Variants in ARHGAP15 observed in about 807,000 individuals in gnomAD.
ARHGAP15 encodes Rho GTPase activating protein 15, also known as rho GTPase-activating protein 15.
In ARHGAP15, 51 loss-of-function variants were observed where a neutral mutation model predicts 63.7. The ratio of observed to expected loss-of-function variants is 0.80; its 90% CI spans 0.64 to 1.01. ARHGAP15 has a LOEUF of 1.01. ARHGAP15 is among the 50% of genes least tolerant of loss of function. ARHGAP15 has a pLI of 0.00. For synonymous variants in ARHGAP15, 191 were observed against 193.8 expected (o/e 0.99, Z 0.12); for missense variants, 560 against 564.6 (o/e 0.99, Z 0.08).
At chr2:143,629,903 G>C (rs757080947) in intron 12 of ARHGAP15, among the ~76,000 whole-genome samples, 2 of 152,222 alleles carry the variant, frequency 1.3e-5, no homozygotes, top group African/African-American at 2.4e-5. Flanking sequence ...TTAGTTTTTA[G>C]AGAAGTTATA....
At chr2:143,496,958 G>C (rs1012735082) in intron 9 of ARHGAP15, among the ~76,000 whole-genome samples, 1 of 152,130 alleles carries the variant, frequency 6.6e-6, no homozygotes, top group South Asian at 2.1e-4. Context: ...CAGAATTCTG[G>C]CATGCCCTAT....
intron 12 of ARHGAP15, among the ~76,000 whole-genome samples, chr2:143,626,690 T>A (rs1698849910): frequency 6.6e-6 from 1 of 152,156 alleles, no homozygotes. Context: ...AGAATCCTGC[T>A]GATTGGTGCA....
intron 10 of ARHGAP15, among the ~76,000 whole-genome samples, chr2:143,534,051 A>G (rs1381412491): frequency 3.3e-5 from 5 of 152,204 alleles, no homozygotes; most frequent in East Asian, 1.9e-4. Flanking sequence ...TTGTATCCCC[A>G]CCCACATCTC....
intron 3 of ARHGAP15, among the ~76,000 whole-genome samples, chr2:143,211,361 C>G (rs981688322): frequency 1.1e-5 from 1 of 90,240 alleles, no homozygotes; most frequent in African/African-American, 4.7e-5. Flanking sequence ...GGGTGGGGGG[C>G]GGGAATTTAA....
intron 10 of ARHGAP15, among the ~76,000 whole-genome samples, chr2:143,538,980 G>A (rs1043933837): frequency 6.6e-6 from 1 of 152,148 alleles, no homozygotes; most frequent in Non-Finnish European, 1.5e-5. Flanking sequence ...TGTACCTCTG[G>A]TAGAATTCGG....
chr2:143,370,635 T>C (rs1198953985), intron 6 of ARHGAP15, among the ~76,000 whole-genome samples: 1 of 152,214 alleles, frequency 6.6e-6, no homozygotes, highest in Non-Finnish European at 1.5e-5. Flanking sequence ...CTACATCGTT[T>C]CTAAAATTAT....
chr2:143,214,597 A>C (rs951798531), intron 3 of ARHGAP15, among the ~76,000 whole-genome samples: 2 of 152,182 alleles, frequency 1.3e-5, no homozygotes, highest in African/African-American at 4.8e-5. Flanking sequence ...TATCCAAGAA[A>C]TCTTCCTTAG....
chr2:143,368,458 G>GCTTA (rs1408813243), intron 6 of ARHGAP15, among the ~76,000 whole-genome samples: 2 of 151,994 alleles, frequency 1.3e-5, no homozygotes, highest in Admixed American at 6.6e-5. Context: ...CTTTTACTAA[G>GCTTA]ACATTTGGAA....
chr2:143,575,501 G>A (rs1696643411), intron 11 of ARHGAP15, among the ~76,000 whole-genome samples: 1 of 152,108 alleles, frequency 6.6e-6, no homozygotes, highest in Non-Finnish European at 1.5e-5. Flanking sequence ...CAGCCATGGG[G>A]TGCAGGAAAG....
intron 2 of ARHGAP15, among the ~76,000 whole-genome samples, chr2:143,183,027 A>G (rs553750057): frequency 1.3e-5 from 2 of 152,206 alleles, no homozygotes; most frequent in African/African-American, 4.8e-5. Flanking sequence ...CAGGTAAAGG[A>G]GAGAGGGAAG....
At chr2:143,692,458 GC>G (rs892402003) in intron 12 of ARHGAP15, among the ~76,000 whole-genome samples, 3 of 152,064 alleles carry the variant, frequency 2.0e-5, no homozygotes, top group Non-Finnish European at 4.4e-5. Context: ...AGGCAGCAAA[GC>G]CCCTCGCTAA....
At chr2:143,638,212 T>G (rs1680422620) in intron 12 of ARHGAP15, among the ~76,000 whole-genome samples, 1 of 144,490 alleles carries the variant, frequency 6.9e-6, no homozygotes, top group African/African-American at 2.5e-5. Flanking sequence ...GTATGTTTAT[T>G]GCGGCACTAT....
chr2:143,277,140 T>C (rs1250670961), intron 6 of ARHGAP15, among the ~76,000 whole-genome samples: 1 of 152,112 alleles, frequency 6.6e-6, no homozygotes, highest in African/African-American at 2.4e-5. Flanking sequence ...CTTTCTTTGC[T>C]TTTCCCCCTC....
At chr2:143,279,514 T>C (rs1369364543) in intron 6 of ARHGAP15, among the ~76,000 whole-genome samples, 1 of 152,182 alleles carries the variant, frequency 6.6e-6, no homozygotes, top group Admixed American at 6.6e-5. Context: ...TCAGGTCACT[T>C]TGGACATAGA....
At chr2:143,281,115 C>G (rs1458530313) in intron 6 of ARHGAP15, among the ~76,000 whole-genome samples, 1 of 152,126 alleles carries the variant, frequency 6.6e-6, no homozygotes, top group African/African-American at 2.4e-5. Context: ...ATTCCAGTCA[C>G]TTTTCCAAGG....
At chr2:143,175,943 A>T (rs949160949) in intron 2 of ARHGAP15, among the ~76,000 whole-genome samples, 1 of 152,218 alleles carries the variant, frequency 6.6e-6, no homozygotes, top group African/African-American at 2.4e-5. Context: ...GAATAGTATA[A>T]TATACATAAT....
chr2:143,424,154 C>G (rs1689047546), intron 6 of ARHGAP15, among the ~76,000 whole-genome samples: 1 of 152,070 alleles, frequency 6.6e-6, no homozygotes, highest in African/African-American at 2.4e-5. Context: ...TAGGCCCTAT[C>G]TCCAGGGTCT....
At position 143,223,244 on chromosome 2, in the gene ARHGAP15, G is replaced by T. The variant is rs147235725; in HGVS notation, c.297-5337G>T. ...CTGCCTCAGCCTCCCAAAGTGCTGG[G>T]ATTATAGGTGTGAGCCACCGCACCT... On this transcript the variant is annotated intron_variant, in intron 4 of 13. Coordinates refer to ENST00000295095, the MANE Select transcript of ARHGAP15 (RefSeq NM_018460.4). Among the ~76,000 whole-genome samples the T allele has an allele frequency of 8.8e-3, 1,335 of 152,276 alleles. 25 individuals are homozygous for T. Among genetic ancestry groups the T allele is most frequent in the African/African-American group, 0.03 (1,264 of 41,546 alleles).
At chr2:143,254,139 T>C (rs781360414) in intron 6 of ARHGAP15, among the ~76,000 whole-genome samples, 15 of 152,150 alleles carry the variant, frequency 9.9e-5, no homozygotes, top group Non-Finnish European at 1.9e-4. Flanking sequence ...AAGTGCTAGT[T>C]TGCTCTTTGG....
Sources: allele counts gnomAD v4.1 joint callset (sites outside exome capture counted in the v4.1 genomes callset), GRCh38; gene constraint gnomAD v4.1.1; transcripts MANE v1.5; gene names NCBI Gene and HGNC (gene_info 2026-07-23, HGNC 2026-07-21).